The following PUDP variants were observed in gnomAD, a reference collection of about 807,000 sequenced individuals.
PUDP encodes pseudouridine-5'-phosphatase.
A neutral mutation model predicts 9.4 loss-of-function variants in PUDP; 8 were observed. That is an observed-to-expected ratio of 0.85 (90% CI 0.50 to 1.53). The LOEUF (loss-of-function observed/expected upper bound fraction) is 1.53. Among genes scored for constraint, PUDP ranks in the 40% most tolerant of loss-of-function variants. The probability of loss-of-function intolerance (pLI) is 0.00; values close to 1 mark genes in which losing one functional copy is unlikely to be tolerated. For synonymous variants in PUDP, 99 were observed against 80.7 expected, an observed-to-expected ratio of 1.23 and a Z score of -1.22; for missense variants, 188 against 189.7, an observed-to-expected ratio of 0.99 and a Z score of 0.05.
At chrX:6,856,480 T>G (rs1451340082) in intron 3 of PUDP, among the ~76,000 whole-genome samples, 1 of 112,164 alleles carries the variant, frequency 8.9e-6, no homozygotes, top group Non-Finnish European at 1.9e-5. Flanking sequence ...ATCATGCAAA[T>G]TACCTCTCAG....
At chrX:6,974,816 G>C (rs754917687) in intron 3 of PUDP, among the ~76,000 whole-genome samples, 2 of 111,266 alleles carry the variant, frequency 1.8e-5, no homozygotes, top group South Asian at 7.6e-4. Context: ...TTTCCAACTT[G>C]GTTCCATTTT....
intron 1 of PUDP, among the ~76,000 whole-genome samples, chrX:7,127,931 T>TA (rs1434942369): frequency 8.9e-5 from 10 of 112,428 alleles, no homozygotes; most frequent in South Asian, 7.4e-4. Context: ...TAAAATATAT[T>TA]AGAGTTTTGT....
intron 3 of PUDP, among the ~76,000 whole-genome samples, chrX:6,865,969 G>A (rs898099426): frequency 1.8e-5 from 2 of 111,376 alleles, no homozygotes; most frequent in Non-Finnish European, 3.8e-5. Flanking sequence ...TGCCCAGGCC[G>A]GAGTACAGTG....
chrX:7,083,867 C>A (rs184757137), intron 2 of PUDP, among the ~76,000 whole-genome samples: 41 of 106,162 alleles, frequency 3.9e-4, no homozygotes, highest in Admixed American at 1.5e-3. Context: ...CACCACTGCA[C>A]TCGACAGAGA....
At chrX:7,008,263 C>CA (rs869226219) in intron 1 of PUDP, among the ~76,000 whole-genome samples, 1 of 111,422 alleles carries the variant, frequency 9.0e-6, no homozygotes. Context: ...TGCACCTGGC[C>CA]AAAAAAATTT....
chrX:7,083,867 C>T (rs184757137), intron 2 of PUDP, among the ~76,000 whole-genome samples: 1 of 106,120 alleles, frequency 9.4e-6, no homozygotes, highest in Non-Finnish European at 1.9e-5. Context: ...CACCACTGCA[C>T]TCGACAGAGA....
chrX:6,831,500 G>T (rs1435661491), intron 3 of PUDP, among the ~76,000 whole-genome samples: 2 of 111,850 alleles, frequency 1.8e-5, no homozygotes, highest in Admixed American at 1.9e-4. Flanking sequence ...GAAGCAAGAT[G>T]GACTCAGTTA....
At chrX:7,037,901 T>C (rs1016639458) in intron 1 of PUDP, among the ~76,000 whole-genome samples, 1 of 111,623 alleles carries the variant, frequency 9.0e-6, no homozygotes. Context: ...ATTTTACCAG[T>C]ATAATGATGG....
chrX:6,764,351 A>G (rs1324983178), intron 3 of PUDP, among the ~76,000 whole-genome samples: 1 of 112,265 alleles, frequency 8.9e-6, no homozygotes, highest in Non-Finnish European at 1.9e-5. Context: ...CACCCTGGAC[A>G]TAACTGTGGC....
chrX:7,148,054 C>T lies in PUDP; in HGVS notation c.60G>A (p.Leu20=). Residue 20 remains leucine (L), a splice_region_variant and synonymous_variant, in exon 1 of 4, where the codon CTG becomes CTA. Transcript: ENST00000381077. The part of the protein sequence containing the change: ...HLIFDMDGLL[L]DTERLYSVVF... The stretch of plus-strand genomic sequence containing the variant: ...AGGCGGCGGCTGCACACTACCCACC[C>T]AGAAGAAGTCCGTCCATGTCAAAGA... The T allele has an allele frequency of 8.8e-7, 1 of 1,139,020 alleles. No individual in the cohort carries two copies. Among genetic ancestry groups the T allele is most frequent in the African/African-American group, 1.9e-5 (1 of 53,567 alleles). The allele number at this position is 1,139,020 out of a possible 1,213,427, so 93.9% of individuals were successfully genotyped here.
At chrX:6,858,132 A>T (rs1190977121) in intron 3 of PUDP, among the ~76,000 whole-genome samples, 1 of 110,300 alleles carries the variant, frequency 9.1e-6, no homozygotes, top group Non-Finnish European at 1.9e-5. Context: ...TACTTAATTG[A>T]TCATGCTTAC....
intron 3 of PUDP, among the ~76,000 whole-genome samples, chrX:6,901,213 A>T (rs1024429291): frequency 3.6e-5 from 4 of 112,141 alleles, no homozygotes; most frequent in Non-Finnish European, 7.5e-5. Flanking sequence ...CACTGAACAA[A>T]TGGCTGCAGA....
intron 3 of PUDP, among the ~76,000 whole-genome samples, chrX:7,068,167 C>T (rs1422977085): frequency 8.9e-6 from 1 of 112,168 alleles, no homozygotes; most frequent in African/African-American, 3.2e-5. Flanking sequence ...TTTATAAGAA[C>T]TGAAAATCAA....
chrX:6,883,608 T>G (rs1330381166), intron 3 of PUDP, among the ~76,000 whole-genome samples: 4 of 109,451 alleles, frequency 3.7e-5, no homozygotes, highest in Non-Finnish European at 7.6e-5. Context: ...ACACAAGAAG[T>G]AGGGAATGAT....
At chrX:6,774,010 G>T (rs1336120178) in intron 3 of PUDP, among the ~76,000 whole-genome samples, 2 of 111,141 alleles carry the variant, frequency 1.8e-5, no homozygotes, top group Admixed American at 1.9e-4. Context: ...GTGGTGGTGG[G>T]CACCTGTAAT....
chrX:7,065,831 G>T (rs1045029475), intron 3 of PUDP, among the ~76,000 whole-genome samples: 1 of 111,942 alleles, frequency 8.9e-6, no homozygotes, highest in African/African-American at 3.3e-5. Flanking sequence ...CAGCACTAGT[G>T]CTACTTATGG....
chrX:6,885,311 A>AT (rs1386196913), intron 3 of PUDP, among the ~76,000 whole-genome samples: 1 of 112,048 alleles, frequency 8.9e-6, no homozygotes, highest in Non-Finnish European at 1.9e-5. Flanking sequence ...CTTTTTACAA[A>AT]TTGCAACCTG....
intron 1 of PUDP, among the ~76,000 whole-genome samples, chrX:6,714,714 T>TGATA (rs780996554): frequency 9.0e-5 from 10 of 111,359 alleles, no homozygotes; most frequent in African/African-American, 2.9e-4. Flanking sequence ...AGATGATTGA[T>TGATA]GATAGATAGA....
chrX:6,996,968 C>T (rs1929261478), intron 1 of PUDP, among the ~76,000 whole-genome samples: 1 of 110,515 alleles, frequency 9.0e-6, no homozygotes, highest in Non-Finnish European at 1.9e-5. Flanking sequence ...CGCACAAGGC[C>T]CCTCCCATAA....
Sources: gnomAD v4.1 joint callset for allele counts (sites outside exome capture counted in the v4.1 genomes callset) on GRCh38, gnomAD v4.1.1 for gene constraint, MANE v1.5 for transcripts, NCBI Gene and HGNC (gene_info 2026-07-23, HGNC 2026-07-21) for gene names.